Variants in RHOU observed in about 807,000 individuals in gnomAD.
RHOU encodes the protein rho-related GTP-binding protein RhoU.
RHOU carries 8 observed loss-of-function variants against 12.6 expected under a neutral mutation model. That is an observed-to-expected ratio of 0.64 (90% CI 0.37 to 1.15). The LOEUF (loss-of-function observed/expected upper bound fraction) is 1.15, where lower values mean the gene tolerates loss of function less well. RHOU is among the 50% of genes most tolerant of loss of function. The pLI is 0.01. For missense variants in RHOU, 258 were observed against 347.0 expected (o/e 0.74, Z 2.04); for synonymous variants, 161 against 147.4 (o/e 1.09, Z -0.67).
At chr1:228,650,802 C>T in the RHOU span, 1 of 426,174 alleles carries the variant, frequency 2.3e-6, no homozygotes, top group Non-Finnish European at 4.6e-6. Flanking sequence ...GCCTACCATG[C>T]ATCCAAGTGC....
At chr1:228,647,729 G>C in the RHOU span, among the ~76,000 whole-genome samples, 1 of 152,196 alleles carries the variant, frequency 6.6e-6, no homozygotes, top group East Asian at 1.9e-4. Context: ...GTTTCATCGT[G>C]TTGCGCCGCC....
rs774717562 is a variant in RHOU, at chr1:228,743,613, C to T, written c.650C>T (p.Ala217Val). ...TQKNLKEVFD[A>V]AIVAGIQYSD... ...AAAAACCTCAAAGAGGTCTTTGATG[C>T]AGCCATCGTCGCTGGCATTCAATAC... is the stretch of plus-strand genomic sequence containing the variant. The change falls in exon 3 of 3, where the codon GCA (alanine) becomes GTA (valine). Residue 217 changes from alanine (A) to valine (V), a missense_variant. Coordinates refer to ENST00000366691, the MANE Select transcript of RHOU (RefSeq NM_021205.6). This position sits in a 1 kb window ranked among gnomAD's most constrained non-coding sequence, Gnocchi z 5.1. The T allele has an allele frequency of 6.2e-7, 1 of 1,614,206 alleles. No homozygotes were observed. Among genetic ancestry groups the T allele is most frequent in the Admixed American group, 1.7e-5 (1 of 60,030 alleles).
chr1:228,687,869 T>C, the RHOU span: 73 of 976,068 alleles, frequency 7.5e-5, 1 homozygote, highest in South Asian at 9.0e-4. Context: ...GTGACTTCCC[T>C]GGTCACCAAG....
At chr1:228,699,096 GT>G in the RHOU span, among the ~76,000 whole-genome samples, 3 of 119,022 alleles carry the variant, frequency 2.5e-5, no homozygotes, top group African/African-American at 9.7e-5. Context: ...TTTTTTTTTT[GT>G]TTTTTTTAAC....
the RHOU span, chr1:228,647,988 A>G: frequency 6.6e-6 from 1 of 152,104 alleles, no homozygotes; most frequent in African/African-American, 2.4e-5. Flanking sequence ...TATCTTCACG[A>G]GATCAGAGGA....
At chr1:228,653,329 A>G in the RHOU span, among the ~76,000 whole-genome samples, 1 of 150,236 alleles carries the variant, frequency 6.7e-6, no homozygotes, top group Non-Finnish European at 1.5e-5. Context: ...TAATTTTTGT[A>G]TTTTTTTTTG....
chr1:228,722,635 T>TG, the RHOU span, among the ~76,000 whole-genome samples: 2 of 151,924 alleles, frequency 1.3e-5, no homozygotes, highest in African/African-American at 4.8e-5. Context: ...CTCCTTTTTT[T>TG]TTTTTTGAGA....
rs554090717 is a variant in RHOU, at chr1:228,738,523, C to T, written c.321+792C>T. Among the ~76,000 whole-genome samples, 46 of 152,194 alleles carry T rather than the reference C, an allele frequency of 3.0e-4. No homozygotes were observed. The highest frequency in any genetic ancestry group is 1.1e-3 in the African/African-American group (44 of 41,512). On this transcript the variant is annotated intron_variant, in intron 2 of 2. Coordinates refer to ENST00000366691, the MANE Select transcript of RHOU (RefSeq NM_021205.6). The surrounding 1 kb of genome is among the most constrained non-coding windows in gnomAD (Gnocchi z 4.2). ...TATGTTCTAGAGTTCAGCAAAGTTC[C>T]GGGGGTACTTTGTAGGCAGGTGAAA...
At position 228,737,772 on chromosome 1, in the gene RHOU, G is replaced by A; in HGVS notation, c.321+41G>A. ...CAGCTCAGTGCTGGGAAAGGAAACA[G>A]CCTTTTAAAGATTTCCAAATAACCT... On this transcript the variant is annotated intron_variant, in intron 2 of 2. Coordinates refer to ENST00000366691, the MANE Select transcript of RHOU (RefSeq NM_021205.6). This position sits in a 1 kb window ranked among gnomAD's most constrained non-coding sequence, Gnocchi z 4.1. The A allele has an allele frequency of 6.3e-7, 1 of 1,598,134 alleles. No homozygotes were observed. Among genetic ancestry groups the A allele is most frequent in the Non-Finnish European group, 8.6e-7 (1 of 1,165,474 alleles).
upstream of RHOU, among the ~76,000 whole-genome samples, chr1:228,733,587 G>A (rs368087167): frequency 3.9e-5 from 6 of 152,194 alleles, no homozygotes; most frequent in East Asian, 1.9e-4. Context: ...GATTACAGGC[G>A]TGAGCCACCG....
In RHOU at chr1:228,736,049, C is replaced by T. The variant is rs186253435; in HGVS notation, c.262+45C>T. The T allele has an allele frequency of 4.0e-3, 6,219 of 1,552,112 alleles. 25 individuals carry two copies. The highest frequency in any genetic ancestry group is 4.5e-3 in the Non-Finnish European group (5,165 of 1,156,028). Reference sequence around the variant, plus strand: ...GGGGCCGGGGGCGCGTGGCCGCGGTCCACCCAGGGGAAGGAAGGTGGCGCG... The same window carrying T: ...GGGGCCGGGGGCGCGTGGCCGCGGTTCACCCAGGGGAAGGAAGGTGGCGCG... On this transcript the variant is annotated intron_variant, in intron 1 of 2. Transcript: ENST00000366691.
At chr1:228,669,962 G>A in the RHOU span, among the ~76,000 whole-genome samples, 1 of 152,152 alleles carries the variant, frequency 6.6e-6, no homozygotes, top group Non-Finnish European at 1.5e-5. Context: ...AGTTGCTTTT[G>A]AAAACCTCCA....
At chr1:228,650,159 G>A in the RHOU span, 5 of 455,380 alleles carry the variant, frequency 1.1e-5, no homozygotes, top group Non-Finnish European at 2.2e-5. Context: ...GAGCTGCACT[G>A]CGGTTAGGGC....
At chr1:228,742,419 C>T (rs1287920984) in intron 2 of RHOU, among the ~76,000 whole-genome samples, 1 of 152,176 alleles carries the variant, frequency 6.6e-6, no homozygotes, top group African/African-American at 2.4e-5. Context: ...TTGTAATCAA[C>T]TCTAACTTAT....
chr1:228,720,728 T>A, the RHOU span, among the ~76,000 whole-genome samples: 2 of 152,346 alleles, frequency 1.3e-5, no homozygotes, highest in South Asian at 4.1e-4. Flanking sequence ...AGTGCTTTGT[T>A]ACTGTGGCCC....
chr1:228,707,128 A>ATATATATGTG, the RHOU span, among the ~76,000 whole-genome samples: 2 of 67,586 alleles, frequency 3.0e-5, no homozygotes, highest in South Asian at 3.9e-4. Flanking sequence ...ATATATATAC[A>ATATATATGTG]TATATATATA....
At chr1:228,653,205 G>A in the RHOU span, among the ~76,000 whole-genome samples, 1 of 152,046 alleles carries the variant, frequency 6.6e-6, no homozygotes. Flanking sequence ...GCTGGAGTGC[G>A]TGGCACGATC....
upstream of RHOU, chr1:228,734,973 A>T (rs1159739920): frequency 6.6e-6 from 1 of 152,262 alleles, no homozygotes; most frequent in East Asian, 1.9e-4. Context: ...GATCAGCTGC[A>T]GTTAGACTTA....
the RHOU span, among the ~76,000 whole-genome samples, chr1:228,673,500 C>T: frequency 0.063 from 9,530 of 152,122 alleles, 942 homozygotes; most frequent in African/African-American, 0.21. Flanking sequence ...TCCCCAGTAT[C>T]GGAGGAGGGA....
Sources: allele counts gnomAD v4.1 joint callset (sites outside exome capture counted in the v4.1 genomes callset), GRCh38; gene constraint gnomAD v4.1.1; non-coding constraint Gnocchi (gnomAD v3.1); transcripts MANE v1.5; gene names NCBI Gene and HGNC (gene_info 2026-07-23, HGNC 2026-07-21).